Variants in ZNF784 observed in about 807,000 individuals in gnomAD.
The protein encoded by ZNF784 is zinc finger protein 784.
A neutral mutation model predicts 3.3 loss-of-function variants in ZNF784; 5 were observed. That is an observed-to-expected ratio of 1.53 (90% confidence interval 0.80 to 3.22). The LOEUF (loss-of-function observed/expected upper bound fraction) is 3.22. Among genes scored for constraint, ZNF784 ranks in the 30% most tolerant of loss-of-function variants. ZNF784 has a pLI of 0.00. For synonymous variants in ZNF784, 231 were observed against 219.6 expected (o/e 1.05, Z -0.46); for missense variants, 501 against 480.7 (o/e 1.04, Z -0.39).
rs775958600 is a variant in ZNF784, at chr19:55,622,107, G to A, written c.616C>T (p.Arg206Cys). ...FACRFCAKPF[R>C]RSSDMRDHER... is the part of the protein sequence containing the mutation. ...TGGTCTCGCATGTCTGAGGAGCGGC[G>A]GAAGGGCTTGGCGCAGAACCTGCAG... The change falls in exon 2 of 2, where the codon CGC becomes TGC. Residue 206 changes from arginine (R) to cysteine (C), a missense_variant. Physicochemically the swap from Arg to Cys is radical, Grantham distance 180 (BLOSUM62 -3). Coordinates refer to ENST00000325351, the MANE Select transcript of ZNF784 (RefSeq NM_203374.2). The surrounding 1 kb of genome is among the most constrained non-coding windows in gnomAD (Gnocchi z 5.9). 1.2e-5 allele frequency: 19 copies of A among 1,560,138 alleles called. No individual in the cohort carries two copies. The highest frequency in any genetic ancestry group is 3.7e-5 in the Admixed American group (2 of 53,600).
chr19:55,621,910 C>T lies in ZNF784; in HGVS notation c.813G>A (p.Gln271=). The T allele has an allele frequency of 1.9e-6, 3 of 1,594,444 alleles. No individual in the cohort carries two copies. Among genetic ancestry groups the T allele is most frequent in the Non-Finnish European group, 2.6e-6 (3 of 1,176,322 alleles). The change falls in exon 2 of 2, where the codon CAG becomes CAA. Residue 271 remains glutamine, a synonymous_variant. Transcript: ENST00000325351. The surrounding 1 kb of genome is among the most constrained non-coding windows in gnomAD (Gnocchi z 4.1). ...GCCCCGGCCCGTGGAAGTGGGTGCG[C>T]TGGTGCTTGCGGAAGTTGGAGGAGT... ...FNNSSNFRKH[Q]RTHFHGPGPG...
Position 55,622,480 on chromosome 19 carries a change from C to G in ZNF784, c.243G>C (p.Leu81=). 1.2e-6 allele frequency: 2 copies of G among 1,612,656 alleles called. No individual in the cohort carries two copies. Among genetic ancestry groups the G allele is most frequent in the Non-Finnish European group, 1.7e-6 (2 of 1,179,732 alleles). The change falls in exon 2 of 2, where the codon CTG becomes CTC. Residue 81 remains leucine, a synonymous_variant. Transcript: ENST00000325351. The surrounding 1 kb of genome is among the most constrained non-coding windows in gnomAD (Gnocchi z 5.9). ...CAGCCAAGTGGCCATGTTCGTGGAACAGCAGCTCGGAAACCAGCCGGAAGG... is the reference window on the plus strand; with the variant it reads ...CAGCCAAGTGGCCATGTTCGTGGAAGAGCAGCTCGGAAACCAGCCGGAAGG... ...PAAFRLVSEL[L]FHEHGHLAGA...
chr19:55,624,476 GC>G lies in ZNF784; in HGVS notation c.78+7del. 1 of 1,597,356 alleles carries G rather than the reference GC, an allele frequency of 6.3e-7. No individual in the cohort carries two copies. The highest frequency in any genetic ancestry group is 1.7e-5 in the Admixed American group (1 of 58,608). The stretch of plus-strand genomic sequence containing the variant: ...AGCCCCACGCCCAGGCCCCTTCCTT[GC>G]CCGCACCAGGTCCAGTGGCTCCTGG... On this transcript the variant is annotated splice_region_variant and intron_variant, in intron 1 of 1. Coordinates refer to ENST00000325351, the MANE Select transcript of ZNF784 (RefSeq NM_203374.2).
intron 1 of ZNF784, among the ~76,000 whole-genome samples, chr19:55,624,232 A>G (rs1383034887): frequency 2.7e-5 from 4 of 150,272 alleles, no homozygotes; most frequent in African/African-American, 9.9e-5. Context: ...ACAAGACAAC[A>G]CCGTCCTCAG....
At chr19:55,623,068 C>T (rs1244640289) in intron 1 of ZNF784, among the ~76,000 whole-genome samples, 1 of 152,104 alleles carries the variant, frequency 6.6e-6, no homozygotes. Context: ...CCCAGCTACT[C>T]GGGAGACTAA....
Position 55,622,333 on chromosome 19 carries a change from G to A in ZNF784, c.390C>T (p.Arg130=). The A allele has an allele frequency of 6.6e-7, 1 of 1,511,698 alleles. No homozygotes were observed. Among genetic ancestry groups the A allele is most frequent in the South Asian group, 1.3e-5 (1 of 79,068 alleles). 93.6% of individuals were successfully genotyped at this position (1,511,698 alleles called of 1,614,324 possible). A position where few individuals can be genotyped will look rare whatever the true frequency, so the allele number is the denominator to read the frequency against. Residue 130 remains arginine (R), a synonymous_variant, in exon 2 of 2, where the codon CGC becomes CGT. Transcript: ENST00000325351. The surrounding 1 kb of genome is among the most constrained non-coding windows in gnomAD (Gnocchi z 5.9). ...TGAAGGCGCGGGGGCAGAGCGCGCA[G>A]CGGTAGGGCCGCTCCCCCGTGTGCA... The part of the protein sequence containing the change: ...YSLHTGERPY[R]CALCPRAFKA...
chr19:55,621,326 C>T lies in ZNF784; in HGVS notation c.*425G>A, dbSNP rs1331704430. The T allele has an allele frequency of 2.8e-5, 7 of 251,982 alleles. No homozygotes were observed. In the East Asian group the frequency reaches 7.6e-4, roughly 27 times the overall value. The allele number at this position is 251,982 out of a possible 1,614,324, so 15.6% of individuals were successfully genotyped here. ...TCCATCCTGGTCCACCCGTGGAGGA[C>T]CAGAGCAGAAGACTATGGTGGACCC... On this transcript the variant is annotated 3_prime_UTR_variant, in exon 2 of 2. Transcript: ENST00000325351. This position sits in a 1 kb window ranked among gnomAD's most constrained non-coding sequence, Gnocchi z 4.1.
At chr19:55,623,708 C>T (rs113742643) in intron 1 of ZNF784, among the ~76,000 whole-genome samples, 3,373 of 152,136 alleles carry the variant, frequency 0.022, 118 homozygotes, top group African/African-American at 0.076. Context: ...ATTTAGCTGC[C>T]CCACCCCTAC....
rs745775349 is a variant in ZNF784, at chr19:55,621,922, G to A, written c.801C>T (p.Phe267=). 8.8e-6 allele frequency: 14 copies of A among 1,595,334 alleles called. No homozygotes were observed. The highest frequency in any genetic ancestry group is 1.7e-5 in the Admixed American group (1 of 58,694). The change falls in exon 2 of 2, where the codon TTC becomes TTT. Residue 267 remains phenylalanine, a synonymous_variant. Transcript: ENST00000325351. The surrounding 1 kb of genome is among the most constrained non-coding windows in gnomAD (Gnocchi z 4.1). ...CDRTFNNSSN[F]RKHQRTHFHG... is the part of the protein sequence containing the mutation. ...GGAAGTGGGTGCGCTGGTGCTTGCG[G>A]AAGTTGGAGGAGTTGTTGAAGGTGC...
In ZNF784 at chr19:55,621,905, G is replaced by A. The variant is rs1421962823; in HGVS notation, c.818C>T (p.Thr273Ile). Residue 273 changes from threonine (T) to isoleucine (I), a missense_variant, in exon 2 of 2, where the codon ACC (threonine) becomes ATC (isoleucine). Transcript: ENST00000325351. The surrounding 1 kb of genome is among the most constrained non-coding windows in gnomAD (Gnocchi z 4.1). ...CCCCGGCCCCGGCCCGTGGAAGTGG[G>A]TGCGCTGGTGCTTGCGGAAGTTGGA... ...NSSNFRKHQRTHFHGPGPGLG... is the reference protein window; with the variant it reads ...NSSNFRKHQRIHFHGPGPGLG... 7 of 1,593,852 alleles carry A rather than the reference G, an allele frequency of 4.4e-6. No individual in the cohort carries two copies. Among genetic ancestry groups the A allele is most frequent in the Non-Finnish European group, 6.0e-6 (7 of 1,176,076 alleles).
In ZNF784 at chr19:55,622,656, G is replaced by A; in HGVS notation, c.79-12C>T. On this transcript the variant is annotated splice_polypyrimidine_tract_variant and intron_variant, in intron 1 of 1. Coordinates refer to ENST00000325351, the MANE Select transcript of ZNF784 (RefSeq NM_203374.2). This position sits in a 1 kb window ranked among gnomAD's most constrained non-coding sequence, Gnocchi z 5.9. ...TCAGGCACCAGGACCTGGGCAAGAG[G>A]AGAAGAAAGAGGAGCCTGTGGAACC... The A allele has an allele frequency of 1.3e-6, 2 of 1,523,384 alleles. No individual in the cohort carries two copies. The highest frequency in any genetic ancestry group is 2.6e-5 in the South Asian group (2 of 78,340). 94.4% of individuals were successfully genotyped at this position (1,523,384 alleles called of 1,614,324 possible). A position where few individuals can be genotyped will look rare whatever the true frequency, so the allele number is the denominator to read the frequency against.
In ZNF784 at chr19:55,622,312, G is replaced by C. The variant is rs911568970; in HGVS notation, c.411C>G (p.Ala137=). 5.8e-5 allele frequency: 88 copies of C among 1,514,394 alleles called. No homozygotes were observed. The highest frequency in any genetic ancestry group is 7.4e-5 in the Non-Finnish European group (84 of 1,133,458). The allele number at this position is 1,514,394 out of a possible 1,614,324, so 93.8% of individuals were successfully genotyped here. ...RPYRCALCPR[A]FKALAPLLRH... is the part of the protein sequence containing the mutation. ...GGAGCAGGGGCGCCAAGGCCTTGAAGGCGCGGGGGCAGAGCGCGCAGCGGT... is the reference window on the plus strand; with the variant it reads ...GGAGCAGGGGCGCCAAGGCCTTGAACGCGCGGGGGCAGAGCGCGCAGCGGT... The change falls in exon 2 of 2, where the codon GCC becomes GCG. Residue 137 remains alanine (A), a synonymous_variant. Coordinates refer to ENST00000325351, the MANE Select transcript of ZNF784 (RefSeq NM_203374.2). This position sits in a 1 kb window ranked among gnomAD's most constrained non-coding sequence, Gnocchi z 5.9.
chr19:55,622,557 CCAG>C lies in ZNF784; in HGVS notation c.163_165del (p.Leu55del). On this transcript the variant is annotated inframe_deletion, in exon 2 of 2. Transcript: ENST00000325351. The surrounding 1 kb of genome is among the most constrained non-coding windows in gnomAD (Gnocchi z 5.9). ...GAACCTGGCTCCGGGGGCTCAGGGA[CCAG>C]CGTGGTGTCCGTCACCTTCACCACC... The C allele has an allele frequency of 6.2e-7, 1 of 1,610,984 alleles. No homozygotes were observed. The highest frequency in any genetic ancestry group is 8.5e-7 in the Non-Finnish European group (1 of 1,179,056).
rs945386445 is a variant in ZNF784 at position 55,622,404 on chromosome 19, C to T, written c.319G>A (p.Gly107Ser). 1.3e-6 allele frequency: 2 copies of T among 1,570,362 alleles called. No individual in the cohort carries two copies. Among genetic ancestry groups the T allele is most frequent in the South Asian group, 1.2e-5 (1 of 85,210 alleles). ...CTGGCGGGGCCCGGGCAGCTGTGGC[C>T]GCACACGTGGCACCGGCTCGGGTCC... ...GGDPSRCHVC[G>S]HSCPGPASLR... The change falls in exon 2 of 2, where the codon GGC (glycine) becomes AGC (serine). Residue 107 changes from glycine to serine, a missense_variant. Transcript: ENST00000325351. The surrounding 1 kb of genome is among the most constrained non-coding windows in gnomAD (Gnocchi z 5.9).
chr19:55,620,752 G>C lies in ZNF784; in HGVS notation c.*999C>G, dbSNP rs1981521044. The stretch of plus-strand genomic sequence containing the variant: ...AGACCGACAGAGAAGCCCTTCAGAA[G>C]GTCCTTTAATAGGAACAGAACTGAA... On this transcript the variant is annotated 3_prime_UTR_variant, in exon 2 of 2. Transcript: ENST00000325351. 6.6e-6 allele frequency: 1 copy of C among 152,662 alleles called. No individual in the cohort carries two copies. The allele number at this position is 152,662 out of a possible 1,614,324, so 9.5% of individuals were successfully genotyped here. A position where few individuals can be genotyped will look rare whatever the true frequency, so the allele number is the denominator to read the frequency against.
At position 55,622,658 on chromosome 19, in the gene ZNF784, GAAGA is replaced by G; in HGVS notation, c.79-18_79-15del. 1 of 1,518,726 alleles carries G rather than the reference GAAGA, an allele frequency of 6.6e-7. No homozygotes were observed. Among genetic ancestry groups the G allele is most frequent in the Non-Finnish European group, 8.8e-7 (1 of 1,133,782 alleles). 94.1% of individuals were successfully genotyped at this position (1,518,726 alleles called of 1,614,324 possible). ...AGGCACCAGGACCTGGGCAAGAGGA[GAAGA>G]AAGAGGAGCCTGTGGAACCTGCCTC... On this transcript the variant is annotated splice_polypyrimidine_tract_variant and intron_variant, in intron 1 of 1. Coordinates refer to ENST00000325351, the MANE Select transcript of ZNF784 (RefSeq NM_203374.2). The surrounding 1 kb of genome is among the most constrained non-coding windows in gnomAD (Gnocchi z 5.9).
chr19:55,623,018 A>G (rs887162029), intron 1 of ZNF784, among the ~76,000 whole-genome samples: 1 of 152,204 alleles, frequency 6.6e-6, no homozygotes, highest in Non-Finnish European at 1.5e-5. Context: ...TCTACTAAAA[A>G]TGCAAAAATT....
chr19:55,622,755 C>T lies in ZNF784; in HGVS notation c.79-111G>A. On this transcript the variant is annotated intron_variant, in intron 1 of 1. Transcript: ENST00000325351. This position sits in a 1 kb window ranked among gnomAD's most constrained non-coding sequence, Gnocchi z 5.9. ...TCTGTTATTTTCAGACAGGGCCTCA[C>T]TCTGTTGCCCTGGCGCGATCGTGGC... The T allele has an allele frequency of 2.9e-6, 3 of 1,026,912 alleles. No individual in the cohort carries two copies. Among genetic ancestry groups the T allele is most frequent in the Non-Finnish European group, 4.0e-6 (3 of 750,654 alleles). The allele number at this position is 1,026,912 out of a possible 1,614,324, so 63.6% of individuals were successfully genotyped here. A position where few individuals can be genotyped will look rare whatever the true frequency, so the allele number is the denominator to read the frequency against.
chr19:55,622,577 T>A lies in ZNF784; in HGVS notation c.146A>T (p.Lys49Met), dbSNP rs778021709. 1 of 1,605,778 alleles carries A rather than the reference T, an allele frequency of 6.2e-7. No individual in the cohort carries two copies. The highest frequency in any genetic ancestry group is 1.1e-5 in the South Asian group (1 of 90,020). Residue 49 changes from lysine to methionine, a missense_variant, in exon 2 of 2, where the codon AAG becomes ATG. Physicochemically the swap from Lys to Met is moderately conservative, Grantham distance 95. Coordinates refer to ENST00000325351, the MANE Select transcript of ZNF784 (RefSeq NM_203374.2). The surrounding 1 kb of genome is among the most constrained non-coding windows in gnomAD (Gnocchi z 5.9). The part of the protein sequence containing the change: ...PSDLIEIQVV[K>M]VTDTTLVPEP... ...AGGGACCAGCGTGGTGTCCGTCACC[T>A]TCACCACCTGGATCTCGATGAGGTC... is the stretch of plus-strand genomic sequence containing the variant.
Sources: allele counts gnomAD v4.1 joint callset (sites outside exome capture counted in the v4.1 genomes callset), GRCh38; gene constraint gnomAD v4.1.1; non-coding constraint Gnocchi (gnomAD v3.1); transcripts MANE v1.5; gene names NCBI Gene and HGNC (gene_info 2026-07-23, HGNC 2026-07-21).